DLG2: variants seen among roughly 807,000 people sequenced by gnomAD.
The protein encoded by DLG2 is discs large MAGUK scaffold protein 2, also known as disks large homolog 2.
In DLG2, 45 loss-of-function variants were observed where a neutral mutation model predicts 132.5. The ratio of observed to expected loss-of-function variants is 0.34; its 90% CI spans 0.27 to 0.44. The LOEUF is 0.44. DLG2 is among the 20% of genes least tolerant of loss of function. The pLI is 1.00. For missense variants in DLG2, 1,045 were observed against 1,196.9 expected, an observed-to-expected ratio of 0.87 and a Z score of 1.87; for synonymous variants, 424 against 419.6, an observed-to-expected ratio of 1.01 and a Z score of -0.13.
In DLG2 at chr11:83,456,446, A is replaced by T. The variant is rs2135837429; in HGVS notation, c.*3372T>A. The stretch of plus-strand genomic sequence containing the variant: ...TGTCTGAATCAGCCATGAGCCCTTT[A>T]GAGGACAGAAAAATCAATACAGGGA... On this transcript the variant is annotated 3_prime_UTR_variant, in exon 28 of 28. Transcript: ENST00000376104. 6.5e-6 allele frequency: 1 copy of T among 152,814 alleles called. No homozygotes were observed. The highest frequency in any genetic ancestry group is 2.4e-5 in the African/African-American group (1 of 41,566). 9.5% of individuals were successfully genotyped at this position (152,814 alleles called of 1,614,324 possible).
In DLG2 at chr11:85,182,462, T is replaced by C. The variant is rs188619448; in HGVS notation, c.187-27811A>G. On this transcript the variant is annotated intron_variant, in intron 4 of 27. Coordinates refer to ENST00000376104, the MANE Select transcript of DLG2 (RefSeq NM_001142699.3). ...ACTAAATCAGTTAGTTGTTCTAGAA[T>C]TGAACCACTTACATTATAATTTTTA... Among the ~76,000 whole-genome samples, 63 of 152,080 alleles carry C rather than the reference T, an allele frequency of 4.1e-4. No individual in the cohort carries two copies. The Middle Eastern group carries it at 0.027, about 66-fold the overall frequency.
intron 5 of DLG2, among the ~76,000 whole-genome samples, chr11:85,135,965 G>A (rs940681212): frequency 5.3e-5 from 8 of 152,148 alleles, no homozygotes; most frequent in African/African-American, 1.9e-4. Flanking sequence ...CTGGAGAGGG[G>A]CCTTGAGCTA....
At chr11:85,149,687 T>C (rs2077097516) in intron 5 of DLG2, among the ~76,000 whole-genome samples, 1 of 152,210 alleles carries the variant, frequency 6.6e-6, no homozygotes. Flanking sequence ...ATCATTTCTG[T>C]AGTGTTTGTG....
At chr11:84,306,941 C>G (rs542709689) in intron 7 of DLG2, among the ~76,000 whole-genome samples, 22 of 152,292 alleles carry the variant, frequency 1.4e-4, no homozygotes, top group African/African-American at 3.6e-4. Context: ...GGAAATTTCT[C>G]AAAGAACTTA....
intron 16 of DLG2, among the ~76,000 whole-genome samples, chr11:83,873,582 T>G (rs1330805051): frequency 6.6e-6 from 1 of 152,228 alleles, no homozygotes; most frequent in Non-Finnish European, 1.5e-5. Context: ...GCAACTCCAC[T>G]AAACCTCTTT....
At chr11:85,437,167 G>A (rs1488363142) in intron 3 of DLG2, among the ~76,000 whole-genome samples, 1 of 152,130 alleles carries the variant, frequency 6.6e-6, no homozygotes, top group East Asian at 1.9e-4. Context: ...GATGCAAGGG[G>A]AGGGAGAGCA....
intron 6 of DLG2, among the ~76,000 whole-genome samples, chr11:84,967,735 T>C (rs2053537778): frequency 6.6e-6 from 1 of 152,110 alleles, no homozygotes; most frequent in Non-Finnish European, 1.5e-5. Flanking sequence ...TATATTTCCA[T>C]GATTGGAAAA....
chr11:85,148,730 C>T (rs551274543), intron 5 of DLG2, among the ~76,000 whole-genome samples: 174 of 152,306 alleles, frequency 1.1e-3, no homozygotes, highest in African/African-American at 4.1e-3. Context: ...GTTTCCTTTG[C>T]TGTGCAGAAG....
chr11:84,665,828 G>A (rs1217968280), intron 6 of DLG2, among the ~76,000 whole-genome samples: 1 of 152,108 alleles, frequency 6.6e-6, no homozygotes, highest in Non-Finnish European at 1.5e-5. Context: ...AAAGTGTGAT[G>A]AGTGACTATT....
intron 6 of DLG2, among the ~76,000 whole-genome samples, chr11:84,596,040 G>A (rs2099555919): frequency 6.6e-6 from 1 of 151,980 alleles, no homozygotes; most frequent in Non-Finnish European, 1.5e-5. Flanking sequence ...AAATCACATA[G>A]GAGAAAAAAT....
intron 8 of DLG2, among the ~76,000 whole-genome samples, chr11:84,224,178 G>T (rs1015897493): frequency 6.6e-6 from 1 of 152,156 alleles, no homozygotes; most frequent in Non-Finnish European, 1.5e-5. Flanking sequence ...AGAGAGTTCT[G>T]ACCTATGCTA....
At chr11:83,590,287 A>C (rs1479550884) in intron 19 of DLG2, among the ~76,000 whole-genome samples, 1 of 152,184 alleles carries the variant, frequency 6.6e-6, no homozygotes, top group Non-Finnish European at 1.5e-5. Flanking sequence ...TATAACAAAC[A>C]GTCTCTCAGA....
intron 4 of DLG2, among the ~76,000 whole-genome samples, chr11:85,239,611 C>A (rs1379023597): frequency 6.6e-6 from 1 of 151,932 alleles, no homozygotes; most frequent in Admixed American, 6.6e-5. Flanking sequence ...GAAGGGTCAA[C>A]TGAACTTTAA....
At chr11:85,483,471 G>A (rs896659957) in intron 3 of DLG2, among the ~76,000 whole-genome samples, 2 of 152,172 alleles carry the variant, frequency 1.3e-5, no homozygotes, top group Non-Finnish European at 2.9e-5. Flanking sequence ...TACAAGAGAT[G>A]CTAGAGGGAG....
At chr11:85,562,544 G>A (rs2077312393) in intron 3 of DLG2, among the ~76,000 whole-genome samples, 1 of 151,780 alleles carries the variant, frequency 6.6e-6, no homozygotes, top group Non-Finnish European at 1.5e-5. Flanking sequence ...TTGCCCCAAA[G>A]CACACAGTTA....
intron 17 of DLG2, among the ~76,000 whole-genome samples, chr11:83,819,466 T>A (rs2050071760): frequency 1.4e-4 from 4 of 27,674 alleles, no homozygotes; most frequent in African/African-American, 1.9e-4. Flanking sequence ...CAAGACTCTA[T>A]CTCAAAAAAA....
intron 7 of DLG2, among the ~76,000 whole-genome samples, chr11:84,442,395 G>A (rs1017287590): frequency 3.3e-5 from 5 of 151,976 alleles, no homozygotes; most frequent in African/African-American, 9.7e-5. Context: ...GGATGAAGGT[G>A]GAAACCATCA....
At chr11:85,160,431 T>A (rs2077936735) in intron 4 of DLG2, among the ~76,000 whole-genome samples, 1 of 152,192 alleles carries the variant, frequency 6.6e-6, no homozygotes, top group East Asian at 1.9e-4. Context: ...GGTTCTGCCA[T>A]CTTCTGCAGA....
intron 6 of DLG2, among the ~76,000 whole-genome samples, chr11:84,647,024 A>T (rs2099675811): frequency 1.3e-5 from 2 of 152,106 alleles, no homozygotes; most frequent in South Asian, 4.1e-4. Flanking sequence ...AAACAAACAT[A>T]ATACAAATTT....
Sources: allele counts gnomAD v4.1 joint callset (sites outside exome capture counted in the v4.1 genomes callset), GRCh38; gene constraint gnomAD v4.1.1; transcripts MANE v1.5; gene names NCBI Gene and HGNC (gene_info 2026-07-23, HGNC 2026-07-21).